The following RANBP10 variants were observed in gnomAD, a reference collection of about 807,000 sequenced individuals.
The protein encoded by RANBP10 is RAN binding protein 10.
In RANBP10, 24 loss-of-function variants were observed where a neutral mutation model predicts 72.8. The ratio of observed to expected loss-of-function variants is 0.33; its 90% CI spans 0.24 to 0.46. The LOEUF (loss-of-function observed/expected upper bound fraction) is 0.46. RANBP10 is among the 20% of genes least tolerant of loss of function. The probability of loss-of-function intolerance (pLI) is 1.00; values close to 1 mark genes in which losing one functional copy is unlikely to be tolerated. For synonymous variants in RANBP10, 310 were observed against 322.3 expected, an observed-to-expected ratio of 0.96 and a Z score of 0.41; for missense variants, 679 against 817.5, an observed-to-expected ratio of 0.83 and a Z score of 2.07.
At position 67,734,936 on chromosome 16, in the gene RANBP10, C is replaced by T. The variant is rs1567676579; in HGVS notation, c.698G>A (p.Trp233Ter). 6.2e-7 allele frequency: 1 copy of T among 1,614,066 alleles called. No individual in the cohort carries two copies. The highest frequency in any genetic ancestry group is 8.5e-7 in the Non-Finnish European group (1 of 1,179,970). Residue 233 changes from tryptophan (W) to a stop codon, truncating the protein, a stop_gained, in exon 6 of 14, where the codon TGG becomes TAG. Coordinates refer to ENST00000317506, the MANE Select transcript of RANBP10 (RefSeq NM_020850.3). LOFTEE classifies it high-confidence loss of function. ...GACCGTGCCCTGGACCTTGGCACGC[C>T]ACTCCCGCATGTAGTCCTCAATGTC... is the stretch of plus-strand genomic sequence containing the variant. The part of the protein sequence containing the change: ...LFDIEDYMRE[W>*]RAKVQGTVHC...
intron 3 of RANBP10, among the ~76,000 whole-genome samples, chr16:67,757,801 A>C (rs2054316091): frequency 6.6e-6 from 1 of 152,214 alleles, no homozygotes; most frequent in Non-Finnish European, 1.5e-5. Flanking sequence ...AAGGAACAGG[A>C]CCAATGCAAC....
intron 3 of RANBP10, among the ~76,000 whole-genome samples, chr16:67,753,421 G>A (rs987886099): frequency 2.6e-5 from 4 of 152,082 alleles, no homozygotes; most frequent in Non-Finnish European, 5.9e-5. Context: ...TTGAACCCAG[G>A]AGTTTGAGGT....
At chr16:67,756,432 T>C (rs1267292752) in intron 3 of RANBP10, among the ~76,000 whole-genome samples, 1 of 152,192 alleles carries the variant, frequency 6.6e-6, no homozygotes, top group Non-Finnish European at 1.5e-5. Context: ...CTCACAAAGA[T>C]AACCTGAGGC....
At chr16:67,778,121 G>A (rs2054742091) in intron 2 of RANBP10, among the ~76,000 whole-genome samples, 1 of 152,172 alleles carries the variant, frequency 6.6e-6, no homozygotes, top group Non-Finnish European at 1.5e-5. Flanking sequence ...AGGCCAAAGT[G>A]GGTGGATCAC....
intron 2 of RANBP10, among the ~76,000 whole-genome samples, chr16:67,788,818 T>C (rs2054970288): frequency 6.6e-6 from 1 of 150,516 alleles, no homozygotes; most frequent in Admixed American, 6.6e-5. Flanking sequence ...CTGGCCAACA[T>C]GGTGAACTCC....
At chr16:67,735,073 CCT>C in intron 5 of RANBP10, 31 bp from the exon 6 acceptor site, 1 of 1,553,760 alleles carries the variant, frequency 6.4e-7, no homozygotes, top group Non-Finnish European at 8.8e-7. Context: ...TCAGTCAGGC[CCT>C]GAGGGCAGTG....
chr16:67,796,073 T>A (rs531869782), intron 2 of RANBP10, among the ~76,000 whole-genome samples: 1 of 151,610 alleles, frequency 6.6e-6, no homozygotes, highest in African/African-American at 2.4e-5. Flanking sequence ...CCTGCCACCA[T>A]GCCCAGCTAA....
At position 67,771,434 on chromosome 16, in the gene RANBP10, C is replaced by T. The variant is rs1441760079; in HGVS notation, c.400+600G>A. Among the ~76,000 whole-genome samples the T allele has an allele frequency of 3.3e-5, 5 of 152,162 alleles. No homozygotes were observed. In the South Asian group the frequency reaches 6.2e-4, roughly 19 times the overall value. On this transcript the variant is annotated intron_variant, in intron 3 of 13. Transcript: ENST00000317506. Reference sequence around the variant, plus strand: ...AATCTCAGCTCACTGCAACCTCCACCTCCCGGGTTCAAGCGATTCTCCTGC... The same window carrying T: ...AATCTCAGCTCACTGCAACCTCCACTTCCCGGGTTCAAGCGATTCTCCTGC...
At chr16:67,732,053 G>A (rs2053744513) in intron 6 of RANBP10, among the ~76,000 whole-genome samples, 1 of 152,176 alleles carries the variant, frequency 6.6e-6, no homozygotes, top group Non-Finnish European at 1.5e-5. Context: ...AGACACAGGA[G>A]CCCCTCTGCA....
At chr16:67,776,278 T>C (rs989539673) in intron 2 of RANBP10, among the ~76,000 whole-genome samples, 1 of 150,012 alleles carries the variant, frequency 6.7e-6, no homozygotes, top group African/African-American at 2.5e-5. Flanking sequence ...CTGACCAACA[T>C]GGTAAAAACC....
In RANBP10 at chr16:67,729,603, A is replaced by T; in HGVS notation, c.1147+77T>A. ...AAATCCAGCAGTGAGCCCTGAGCCC[A>T]GCCCAGGAAAGGGTATGTGGAGTGG... On this transcript the variant is annotated intron_variant, in intron 9 of 13. Transcript: ENST00000317506. The surrounding 1 kb of genome is among the most constrained non-coding windows in gnomAD (Gnocchi z 7.1). 1 of 1,554,048 alleles carries T rather than the reference A, an allele frequency of 6.4e-7. No individual in the cohort carries two copies. The highest frequency in any genetic ancestry group is 8.7e-7 in the Non-Finnish European group (1 of 1,150,410).
intron 2 of RANBP10, 36 bp downstream of exon 2, chr16:67,805,392 A>C: frequency 1.9e-6 from 3 of 1,570,798 alleles, no homozygotes; most frequent in Non-Finnish European, 2.6e-6. Context: ...GATCAGCTCC[A>C]TGATCAGGGA....
chr16:67,802,744 C>T (rs2055259664), intron 2 of RANBP10, among the ~76,000 whole-genome samples: 1 of 152,174 alleles, frequency 6.6e-6, no homozygotes, highest in Non-Finnish European at 1.5e-5. Flanking sequence ...CTTTAGACTT[C>T]CAGTCAACAC....
At chr16:67,740,190 C>CCTCCCGGGTTCACGCCATT (rs1398968433) in intron 4 of RANBP10, among the ~76,000 whole-genome samples, 2 of 151,646 alleles carry the variant, frequency 1.3e-5, no homozygotes, top group Non-Finnish European at 2.9e-5. Flanking sequence ...GCAAGCTCCG[C>CCTCCCGGGTTCACGCCATT]CTCCCGGGTT....
intron 2 of RANBP10, among the ~76,000 whole-genome samples, chr16:67,788,872 C>T (rs1388070355): frequency 1.1e-4 from 16 of 151,094 alleles, no homozygotes; most frequent in African/African-American, 2.2e-4. Context: ...TGGTGGCACA[C>T]GCCTATAGTC....
rs1567670982 is a variant in RANBP10, at chr16:67,728,529, G to A, written c.1353-18C>T. The A allele has an allele frequency of 6.2e-7, 1 of 1,613,970 alleles. No individual in the cohort carries two copies. Among genetic ancestry groups the A allele is most frequent in the Admixed American group, 1.7e-5 (1 of 60,026 alleles). Reference sequence around the variant, plus strand: ...CACTGTCGCTGTGGGGAGGGGTTGAGGTGGGAGTTGGCCCAGGGGGTGTGG... The same window carrying A: ...CACTGTCGCTGTGGGGAGGGGTTGAAGTGGGAGTTGGCCCAGGGGGTGTGG... On this transcript the variant is annotated intron_variant, in intron 10 of 13. Coordinates refer to ENST00000317506, the MANE Select transcript of RANBP10 (RefSeq NM_020850.3).
chr16:67,757,743 A>G (rs1567692121), intron 3 of RANBP10, among the ~76,000 whole-genome samples: 2 of 152,198 alleles, frequency 1.3e-5, no homozygotes, highest in Non-Finnish European at 2.9e-5. Context: ...ATCAGAGAAC[A>G]CCGCTGTCAC....
chr16:67,777,944 A>T (rs1268905594), intron 2 of RANBP10, among the ~76,000 whole-genome samples: 1 of 152,218 alleles, frequency 6.6e-6, no homozygotes, highest in East Asian at 1.9e-4. Context: ...CCAGAAATAA[A>T]CCCTCACATG....
Position 67,727,336 on chromosome 16 carries a change from C to T in RANBP10, c.1723G>A (p.Ala575Thr), listed in dbSNP as rs144616330. 91 of 1,608,456 alleles carry T rather than the reference C, an allele frequency of 5.7e-5. No individual in the cohort carries two copies. The African/African-American group carries it at 1.0e-3, about 18-fold the overall frequency. ...REPVCAALNS[A>T]ILESQNLPKQ... The stretch of plus-strand genomic sequence containing the variant: ...AAATAGATTCACTCACCTAAAATGG[C>T]GCTGTTGAGGGCAGCACACACAGGT... The change falls in exon 13 of 14, where the codon GCC becomes ACC. Residue 575 changes from alanine (A) to threonine (T), a missense_variant. By Grantham distance (58) the Ala-to-Thr change is moderately conservative. Transcript: ENST00000317506.
Sources: gnomAD v4.1 joint callset for allele counts (sites outside exome capture counted in the v4.1 genomes callset) on GRCh38, gnomAD v4.1.1 for gene constraint, Gnocchi (gnomAD v3.1) non-coding constraint, MANE v1.5 for transcripts, NCBI Gene and HGNC (gene_info 2026-07-23, HGNC 2026-07-21) for gene names.